The following GDF15 variants were observed in gnomAD, a reference collection of about 807,000 sequenced individuals.
GDF15 encodes growth/differentiation factor 15.
A neutral mutation model predicts 8.9 loss-of-function variants in GDF15; 10 were observed. The observed-to-expected ratio is 1.12, with a 90% CI of 0.69 to 1.90. The LOEUF (loss-of-function observed/expected upper bound fraction) is 1.90. Ranked by LOEUF, GDF15 falls within the 40% of genes most tolerant of loss-of-function variation. The probability of loss-of-function intolerance (pLI) is 0.00; values close to 1 mark genes in which losing one functional copy is unlikely to be tolerated. For synonymous variants in GDF15, 228 were observed against 210.6 expected (o/e 1.08, Z -0.72); for missense variants, 452 against 434.2 (o/e 1.04, Z -0.36).
At chr19:18,386,646 C>A (rs1180279093) in intron 1 of GDF15, 180 bp downstream of exon 1, 2 of 616,866 alleles carry the variant, frequency 3.2e-6, no homozygotes, top group Non-Finnish European at 5.7e-6. Flanking sequence ...TGATTTGCAC[C>A]CACAACGTGG....
rs1283856244 is a variant in GDF15, at chr19:18,386,380, T to C, written c.191T>C (p.Leu64Pro). 7 of 1,614,022 alleles carry C rather than the reference T, an allele frequency of 4.3e-6. No individual in the cohort carries two copies. The highest frequency in any genetic ancestry group is 5.9e-6 in the Non-Finnish European group (7 of 1,180,012). ...TTGCGGAAACGCTACGAGGACCTGC[T>C]AACCAGGCTGCGGGCCAACCAGAGC... Reference protein sequence around the residue: ...RELRKRYEDLLTRLRANQSWE... With the variant: ...RELRKRYEDLPTRLRANQSWE... Residue 64 changes from leucine to proline, a missense_variant, in exon 1 of 2, where the codon CTA becomes CCA. By Grantham distance (98) the Leu-to-Pro change is moderately conservative. Coordinates refer to ENST00000252809, the MANE Select transcript of GDF15 (RefSeq NM_004864.4).
chr19:18,386,296 G>GTTT lies in GDF15; in HGVS notation c.107_108insTTT (p.Ser36_Arg37insPhe), dbSNP rs771834657. On this transcript the variant is annotated inframe_insertion, in exon 1 of 2. Coordinates refer to ENST00000252809, the MANE Select transcript of GDF15 (RefSeq NM_004864.4). ...GGCGCCCTGTCTCTGGCCGAGGCGAGCCGCGCAAGTTTCCCGGGACCCTCA... is the reference window on the plus strand; with the variant it reads ...GGCGCCCTGTCTCTGGCCGAGGCGAGTTTCCGCGCAAGTTTCCCGGGACCCTCA... The GTTT allele has an allele frequency of 1.3e-5, 21 of 1,614,026 alleles. No individual in the cohort carries two copies. The African/African-American group carries it at 2.7e-4, about 21-fold the overall frequency.
intron 1 of GDF15, chr19:18,386,676 A>G (rs1568330532): frequency 2.8e-5 from 16 of 580,276 alleles, no homozygotes; most frequent in Non-Finnish European, 3.7e-5. Flanking sequence ...ACCTGTCCCC[A>G]AGTTGCAAAT....
rs1059369 is a variant in GDF15 at position 18,386,331 on chromosome 19, T to C, written c.142T>C (p.Ser48Pro). The change falls in exon 1 of 2, where the codon TCC (serine) becomes CCC (proline). Residue 48 changes from serine to proline, a missense_variant. By Grantham distance (74) the Ser-to-Pro change is moderately conservative (BLOSUM62 -1). Coordinates refer to ENST00000252809, the MANE Select transcript of GDF15 (RefSeq NM_004864.4). ...TTTCCCGGGACCCTCAGAGTTGCAC[T>C]CCGAAGACTCCAGATTCCGAGAGTT... ...ASFPGPSELH[S>P]EDSRFRELRK... is the part of the protein sequence containing the mutation. 6.8e-6 allele frequency: 11 copies of C among 1,613,786 alleles called. No homozygotes were observed. The highest frequency in any genetic ancestry group is 9.3e-6 in the Non-Finnish European group (11 of 1,179,956).
At position 18,388,615 on chromosome 19, in the gene GDF15, T is replaced by G; in HGVS notation, c.607T>G (p.Cys203Gly). The change falls in exon 2 of 2, where the codon TGT becomes GGT. Residue 203 changes from cysteine (C) to glycine (G), a missense_variant. Coordinates refer to ENST00000252809, the MANE Select transcript of GDF15 (RefSeq NM_004864.4). The surrounding 1 kb of genome is among the most constrained non-coding windows in gnomAD (Gnocchi z 4.2). ...AGCGCGTGCGCGCAACGGGGACCAC[T>G]GTCCGCTCGGGCCCGGGCGTTGCTG... is the stretch of plus-strand genomic sequence containing the variant. ...RRARARNGDH[C>G]PLGPGRCCRL... 1.3e-6 allele frequency: 2 copies of G among 1,599,456 alleles called. No homozygotes were observed. Among genetic ancestry groups the G allele is most frequent in the Non-Finnish European group, 1.7e-6 (2 of 1,176,146 alleles).
Position 18,386,373 on chromosome 19 carries a change from G to T in GDF15, c.184G>T (p.Asp62Tyr). The change falls in exon 1 of 2, where the codon GAC (aspartate) becomes TAC (tyrosine). Residue 62 changes from aspartate to tyrosine, a missense_variant. By Grantham distance (160) the Asp-to-Tyr change is radical. Transcript: ENST00000252809. ...RFRELRKRYE[D>Y]LLTRLRANQS... The stretch of plus-strand genomic sequence containing the variant: ...CCGAGAGTTGCGGAAACGCTACGAG[G>T]ACCTGCTAACCAGGCTGCGGGCCAA... The T allele has an allele frequency of 1.2e-6, 2 of 1,614,060 alleles. No individual in the cohort carries two copies. Among genetic ancestry groups the T allele is most frequent in the South Asian group, 2.2e-5 (2 of 91,086 alleles).
chr19:18,386,593 G>A (rs1404459497), intron 1 of GDF15, 127 bp downstream of exon 1: 1 of 778,310 alleles, frequency 1.3e-6, no homozygotes, highest in Non-Finnish European at 2.1e-6. Flanking sequence ...CCCTGGGTAG[G>A]AATATCCTGG....
In GDF15 at chr19:18,388,156, G is replaced by T. The variant is rs911181267; in HGVS notation, c.278-130G>T. On this transcript the variant is annotated intron_variant, in intron 1 of 1. Transcript: ENST00000252809. The surrounding 1 kb of genome is among the most constrained non-coding windows in gnomAD (Gnocchi z 4.2). The stretch of plus-strand genomic sequence containing the variant: ...GCACGGAGAAATGCTCTTGGTAGGG[G>T]AAATAACTTGTGCAAAGGCGCCGCC... 1.2e-4 allele frequency: 90 copies of T among 771,752 alleles called. No individual in the cohort carries two copies. In the African/African-American group the frequency reaches 1.4e-3, roughly 12 times the overall value. The allele number at this position is 771,752 out of a possible 1,614,324, so 47.8% of individuals were successfully genotyped here.
Position 18,388,305 on chromosome 19 carries a change from C to T in GDF15, c.297C>T (p.Gly99=), listed in dbSNP as rs142606058. ...LTPEVRLGSG[G]HLHLRISRAA... is the part of the protein sequence containing the mutation. ...CCACAGTGCGGCTGGGATCCGGCGG[C>T]CACCTGCACCTGCGTATCTCTCGGG... The change falls in exon 2 of 2, where the codon GGC becomes GGT. Residue 99 remains glycine, a synonymous_variant. Transcript: ENST00000252809. This position sits in a 1 kb window ranked among gnomAD's most constrained non-coding sequence, Gnocchi z 4.2. 1.9e-6 allele frequency: 3 copies of T among 1,610,194 alleles called. No homozygotes were observed. The highest frequency in any genetic ancestry group is 2.7e-5 in the African/African-American group (2 of 74,814).
chr19:18,386,628 C>A (rs779012793), intron 1 of GDF15, 162 bp downstream of exon 1: 2 of 646,734 alleles, frequency 3.1e-6, no homozygotes, highest in Non-Finnish European at 5.3e-6. Flanking sequence ...GATGGGGTAG[C>A]CGATGCCTGA....
intron 1 of GDF15, 34 bp downstream of exon 1, chr19:18,386,500 C>A (rs776459489): frequency 3.6e-5 from 56 of 1,565,370 alleles, no homozygotes; most frequent in Admixed American, 2.0e-4. Flanking sequence ...CTCCCACCCC[C>A]CAAGCAGCCC....
At chr19:18,386,766 G>C (rs952904315) in intron 1 of GDF15, 1 of 440,882 alleles carries the variant, frequency 2.3e-6, no homozygotes, top group Non-Finnish European at 4.2e-6. Flanking sequence ...GGGGTCGGGC[G>C]TGCGGTGTGG....
Position 18,389,140 on chromosome 19 carries a change from A to C in GDF15, c.*205A>C. 2.1e-6 allele frequency: 1 copy of C among 474,508 alleles called. No homozygotes were observed. Among genetic ancestry groups the C allele is most frequent in the Non-Finnish European group, 3.7e-6 (1 of 269,582 alleles). 29.4% of individuals were successfully genotyped at this position (474,508 alleles called of 1,614,324 possible). A position where few individuals can be genotyped will look rare whatever the true frequency, so the allele number is the denominator to read the frequency against. Reference sequence around the variant, plus strand: ...TCTGATGGAACTGTGTATTTATTTAAAACTCTGGTGATAAAAATAAAGCTG... The same window carrying C: ...TCTGATGGAACTGTGTATTTATTTACAACTCTGGTGATAAAAATAAAGCTG... On this transcript the variant is annotated 3_prime_UTR_variant, in exon 2 of 2. Transcript: ENST00000252809.
At position 18,388,634 on chromosome 19, in the gene GDF15, G is replaced by T. The variant is rs368079673; in HGVS notation, c.626G>T (p.Arg209Leu). 4 of 1,598,452 alleles carry T rather than the reference G, an allele frequency of 2.5e-6. No homozygotes were observed. The highest frequency in any genetic ancestry group is 2.7e-5 in the African/African-American group (2 of 74,480). Residue 209 changes from arginine to leucine, a missense_variant, in exon 2 of 2, where the codon CGT becomes CTT. Transcript: ENST00000252809. This position sits in a 1 kb window ranked among gnomAD's most constrained non-coding sequence, Gnocchi z 4.2. ...GACCACTGTCCGCTCGGGCCCGGGC[G>T]TTGCTGCCGTCTGCACACGGTCCGC... ...NGDHCPLGPG[R>L]CCRLHTVRAS...
chr19:18,388,754 G>A lies in GDF15; in HGVS notation c.746G>A (p.Arg249Gln). The change falls in exon 2 of 2, where the codon CGG (arginine) becomes CAG (glutamine). Residue 249 changes from arginine to glutamine, a missense_variant. Coordinates refer to ENST00000252809, the MANE Select transcript of GDF15 (RefSeq NM_004864.4). The surrounding 1 kb of genome is among the most constrained non-coding windows in gnomAD (Gnocchi z 4.2). Reference protein sequence around the residue: ...MCIGACPSQFRAANMHAQIKT... With the variant: ...MCIGACPSQFQAANMHAQIKT... ...ATCGGCGCGTGCCCGAGCCAGTTCCGGGCGGCAAACATGCACGCGCAGATC... is the reference window on the plus strand; with the variant it reads ...ATCGGCGCGTGCCCGAGCCAGTTCCAGGCGGCAAACATGCACGCGCAGATC... 1.2e-6 allele frequency: 2 copies of A among 1,609,572 alleles called. No individual in the cohort carries two copies. Among genetic ancestry groups the A allele is most frequent in the Non-Finnish European group, 8.5e-7 (1 of 1,179,552 alleles).
chr19:18,386,387 G>A lies in GDF15; in HGVS notation c.198G>A (p.Arg66=). 6.2e-7 allele frequency: 1 copy of A among 1,614,030 alleles called. No homozygotes were observed. The highest frequency in any genetic ancestry group is 8.5e-7 in the Non-Finnish European group (1 of 1,180,022). Residue 66 remains arginine (R), a synonymous_variant, in exon 1 of 2, where the codon AGG becomes AGA. Transcript: ENST00000252809. ...LRKRYEDLLT[R]LRANQSWEDS... ...AACGCTACGAGGACCTGCTAACCAGGCTGCGGGCCAACCAGAGCTGGGAAG... is the reference window on the plus strand; with the variant it reads ...AACGCTACGAGGACCTGCTAACCAGACTGCGGGCCAACCAGAGCTGGGAAG...
At chr19:18,387,249 T>C (rs1477054868) in intron 1 of GDF15, among the ~76,000 whole-genome samples, 3 of 152,106 alleles carry the variant, frequency 2.0e-5, no homozygotes, top group Admixed American at 6.6e-5. Flanking sequence ...TTTGGCACTC[T>C]TCATTTCTCG....
At chr19:18,387,696 G>A (rs952429160) in intron 1 of GDF15, among the ~76,000 whole-genome samples, 3 of 151,902 alleles carry the variant, frequency 2.0e-5, no homozygotes, top group Non-Finnish European at 4.4e-5. Context: ...ATTCTAAGTA[G>A]GGAATATGAA....
chr19:18,388,095 A>C lies in GDF15; in HGVS notation c.278-191A>C, dbSNP rs2144615773. On this transcript the variant is annotated intron_variant, in intron 1 of 1. Coordinates refer to ENST00000252809, the MANE Select transcript of GDF15 (RefSeq NM_004864.4). The surrounding 1 kb of genome is among the most constrained non-coding windows in gnomAD (Gnocchi z 4.2). ...AGTGATCCACCTGCATCGGCCTCCC[A>C]AAGTGCTGGGATTACAGGCGTGAGC... Among the ~76,000 whole-genome samples the C allele has an allele frequency of 6.6e-6, 1 of 152,164 alleles. No individual in the cohort carries two copies. The highest frequency in any genetic ancestry group is 6.5e-5 in the Admixed American group (1 of 15,298).
Sources: allele counts gnomAD v4.1 joint callset (sites outside exome capture counted in the v4.1 genomes callset), GRCh38; gene constraint gnomAD v4.1.1; non-coding constraint Gnocchi (gnomAD v3.1); transcripts MANE v1.5; gene names NCBI Gene and HGNC (gene_info 2026-07-23, HGNC 2026-07-21).